Variants in PPFIA2 observed in about 807,000 individuals in gnomAD.
PPFIA2 encodes the protein PPFI scaffold protein A2.
A neutral mutation model predicts 175.5 loss-of-function variants in PPFIA2; 46 were observed. That is an observed-to-expected ratio of 0.26 (90% confidence interval 0.21 to 0.34). The LOEUF (loss-of-function observed/expected upper bound fraction) is 0.34. Ranked by LOEUF, PPFIA2 falls within the 10% of genes least tolerant of loss-of-function variation. PPFIA2 has a pLI of 1.00. For missense variants in PPFIA2, 1,179 were observed against 1,506.1 expected, an observed-to-expected ratio of 0.78 and a Z score of 3.60; for synonymous variants, 568 against 511.4, an observed-to-expected ratio of 1.11 and a Z score of -1.49.
intron 24 of PPFIA2, among the ~76,000 whole-genome samples, chr12:81,288,593 C>A (rs1247571515): frequency 6.6e-6 from 1 of 151,626 alleles, no homozygotes; most frequent in African/African-American, 2.4e-5. Context: ...GTCAGAGATA[C>A]AGTATAAGTA....
At chr12:81,466,884 A>G (rs2055751462) in intron 4 of PPFIA2, among the ~76,000 whole-genome samples, 1 of 147,230 alleles carries the variant, frequency 6.8e-6, no homozygotes. Flanking sequence ...TATATATAAT[A>G]TATTATATTA....
intron 3 of PPFIA2, among the ~76,000 whole-genome samples, chr12:81,689,322 A>G (rs946254760): frequency 6.6e-6 from 1 of 152,008 alleles, no homozygotes; most frequent in African/African-American, 2.4e-5. Context: ...TCAGTTTTTG[A>G]AATAAGTGAT....
At chr12:81,300,697 G>C (rs1210932593) in intron 22 of PPFIA2, among the ~76,000 whole-genome samples, 1 of 152,112 alleles carries the variant, frequency 6.6e-6, no homozygotes, top group Non-Finnish European at 1.5e-5. Context: ...AAAAAGTAGA[G>C]GCACTTCTTC....
At chr12:81,316,173 C>T (rs756051998) in intron 22 of PPFIA2, among the ~76,000 whole-genome samples, 3 of 151,426 alleles carry the variant, frequency 2.0e-5, no homozygotes, top group Non-Finnish European at 4.4e-5. Flanking sequence ...TGTAAAACCC[C>T]GGCAAGAGAG....
chr12:81,584,070 ATTTGTTTTAACCTC>A (rs2074822759), intron 4 of PPFIA2, among the ~76,000 whole-genome samples: 1 of 151,892 alleles, frequency 6.6e-6, no homozygotes, highest in Non-Finnish European at 1.5e-5. Context: ...CTATTAAAAT[ATTTGTTTTAACCTC>A]TTATGCTTTA....
intron 4 of PPFIA2, among the ~76,000 whole-genome samples, chr12:81,666,857 A>T (rs1360906332): frequency 6.6e-6 from 1 of 152,144 alleles, no homozygotes; most frequent in Non-Finnish European, 1.5e-5. Context: ...GTCAAAAATC[A>T]AATTGAGGCT....
At chr12:81,694,535 T>C (rs971746652) in intron 3 of PPFIA2, among the ~76,000 whole-genome samples, 1 of 152,192 alleles carries the variant, frequency 6.6e-6, no homozygotes, top group Non-Finnish European at 1.5e-5. Context: ...GGTTTGGTGC[T>C]ATCTGCCTAG....
intron 4 of PPFIA2, chr12:81,598,097 C>A: frequency 6.5e-7 from 1 of 1,531,160 alleles, no homozygotes. Flanking sequence ...GCTTAGCGTA[C>A]AGATAAATCC....
intron 4 of PPFIA2, among the ~76,000 whole-genome samples, chr12:81,516,499 G>A (rs75058915): frequency 3.0e-4 from 46 of 152,226 alleles, no homozygotes; most frequent in Non-Finnish European, 5.1e-4. Flanking sequence ...CTTTGCAGAC[G>A]TTAAAAATAA....
chr12:81,424,899 T>G (rs577087258), intron 7 of PPFIA2: 87 of 152,322 alleles, frequency 5.7e-4, no homozygotes, highest in African/African-American at 2.0e-3. Context: ...CAAATCCATC[T>G]AATTCCATGG....
intron 4 of PPFIA2, among the ~76,000 whole-genome samples, chr12:81,663,257 T>C (rs1344622059): frequency 1.3e-5 from 2 of 152,158 alleles, no homozygotes; most frequent in Non-Finnish European, 2.9e-5. Context: ...TTGTCCCTGT[T>C]TGCAGATGAC....
At chr12:81,299,067 G>A (rs1239297018) in intron 23 of PPFIA2, among the ~76,000 whole-genome samples, 1 of 152,136 alleles carries the variant, frequency 6.6e-6, no homozygotes, top group African/African-American at 2.4e-5. Context: ...GAAATGAAAA[G>A]GGTGTGATTT....
intron 4 of PPFIA2, among the ~76,000 whole-genome samples, chr12:81,576,110 T>C (rs2073488294): frequency 6.6e-6 from 1 of 151,412 alleles, no homozygotes; most frequent in South Asian, 2.1e-4. Context: ...CAGTTTTAAG[T>C]TCCCTTACAA....
intron 23 of PPFIA2, among the ~76,000 whole-genome samples, chr12:81,297,794 C>T (rs1325410518): frequency 6.6e-6 from 1 of 152,174 alleles, no homozygotes; most frequent in Admixed American, 6.5e-5. Flanking sequence ...GGATAAATGG[C>T]ATGTGAAGCA....
At chr12:81,662,767 C>G (rs935731533) in intron 4 of PPFIA2, among the ~76,000 whole-genome samples, 7 of 152,132 alleles carry the variant, frequency 4.6e-5, no homozygotes, top group Non-Finnish European at 7.4e-5. Context: ...AATTTTCAAC[C>G]AATATCCCTG....
At chr12:81,622,374 T>C (rs143573048) in intron 4 of PPFIA2, among the ~76,000 whole-genome samples, 1 of 152,284 alleles carries the variant, frequency 6.6e-6, no homozygotes, top group African/African-American at 2.4e-5. Context: ...GAAAATGATA[T>C]AGCTTCCTAG....
At chr12:81,396,603 A>G (rs558937834) in intron 8 of PPFIA2, among the ~76,000 whole-genome samples, 5 of 152,206 alleles carry the variant, frequency 3.3e-5, no homozygotes, top group Admixed American at 3.3e-4. Flanking sequence ...TGAGCAGACG[A>G]TTGATGTGTT....
At chr12:81,436,434 T>A (rs924599185) in intron 7 of PPFIA2, among the ~76,000 whole-genome samples, 1 of 152,038 alleles carries the variant, frequency 6.6e-6, no homozygotes, top group African/African-American at 2.4e-5. Flanking sequence ...TAATAATTTT[T>A]TAAACTTTTT....
intron 5 of PPFIA2, among the ~76,000 whole-genome samples, chr12:81,446,379 C>A (rs75427377): frequency 6.6e-6 from 1 of 151,996 alleles, no homozygotes; most frequent in African/African-American, 2.4e-5. Flanking sequence ...AGGGAAAGTC[C>A]CTGAAGACTT....
Sources: gnomAD v4.1 joint callset for allele counts (sites outside exome capture counted in the v4.1 genomes callset) on GRCh38, gnomAD v4.1.1 for gene constraint, MANE v1.5 for transcripts, NCBI Gene and HGNC (gene_info 2026-07-23, HGNC 2026-07-21) for gene names.